Variants in CRADD observed in about 807,000 individuals in gnomAD.
The protein encoded by CRADD is death domain-containing protein CRADD.
In CRADD, 9 loss-of-function variants were observed where a neutral mutation model predicts 15.5. That is an observed-to-expected ratio of 0.58 (90% CI 0.35 to 1.01). CRADD has a LOEUF of 1.01. Among genes scored for constraint, CRADD ranks in the 50% least tolerant of loss-of-function variants. CRADD has a pLI of 0.02. For missense variants in CRADD, 227 were observed against 250.3 expected (o/e 0.91, Z 0.63); for synonymous variants, 118 against 107.6 (o/e 1.10, Z -0.60).
intron 2 of CRADD, among the ~76,000 whole-genome samples, chr12:93,881,350 C>CA (rs1307228420): frequency 7.2e-6 from 1 of 138,834 alleles, no homozygotes; most frequent in Admixed American, 8.1e-5. Context: ...TTTTACCACA[C>CA]AAAAAAAGAC....
intron 2 of CRADD, among the ~76,000 whole-genome samples, chr12:93,823,075 A>G (rs1277574077): frequency 6.6e-6 from 1 of 152,190 alleles, no homozygotes; most frequent in Admixed American, 6.5e-5. Flanking sequence ...CAGGAGGATC[A>G]CCAGGTCAGG....
At chr12:93,820,521 G>C (rs7133670) in intron 2 of CRADD, among the ~76,000 whole-genome samples, 99,976 of 150,444 alleles carry the variant, frequency 0.66, 33,379 homozygotes, top group East Asian at 0.71. Flanking sequence ...TGCACTCCAG[G>C]CTGGGCAACA....
rs1293974570 is a variant in CRADD, at chr12:93,824,907, A to G, written c.299-25063A>G. Among the ~76,000 whole-genome samples the G allele has an allele frequency of 1.3e-5, 2 of 152,194 alleles. No individual in the cohort carries two copies. Among genetic ancestry groups the G allele is most frequent in the African/African-American group, 2.4e-5 (1 of 41,436 alleles). ...CTTTGGACCACCCGTCTTTTTGCCA[A>G]TTAAATGTTTACATTATCTTTTTGC... is the stretch of plus-strand genomic sequence containing the variant. On this transcript the variant is annotated intron_variant, in intron 2 of 2. Coordinates refer to ENST00000332896, the MANE Select transcript of CRADD (RefSeq NM_003805.5). This position sits in a 1 kb window ranked among gnomAD's most constrained non-coding sequence, Gnocchi z 4.3.
intron 2 of CRADD, among the ~76,000 whole-genome samples, chr12:93,838,214 G>GTTTTTTTTTTTT (rs66564800): frequency 3.1e-5 from 4 of 130,606 alleles, no homozygotes; most frequent in Non-Finnish European, 4.8e-5. Flanking sequence ...TCCTTTTGAG[G>GTTTTTTTTTTTT]TTTTTTTTTT....
At chr12:93,818,512 C>T (rs950715600) in intron 2 of CRADD, among the ~76,000 whole-genome samples, 1 of 152,116 alleles carries the variant, frequency 6.6e-6, no homozygotes, top group African/African-American at 2.4e-5. Context: ...GGCTCCCTTC[C>T]TAGACGGGTT....
At chr12:93,703,766 GATA>G (rs1955885763) in intron 2 of CRADD, among the ~76,000 whole-genome samples, 1 of 152,016 alleles carries the variant, frequency 6.6e-6, no homozygotes, top group South Asian at 2.1e-4. Context: ...TTCCCCCAAT[GATA>G]ATATCTTACA....
intron 2 of CRADD, among the ~76,000 whole-genome samples, chr12:93,751,663 G>A (rs1229201935): frequency 6.6e-6 from 1 of 152,132 alleles, no homozygotes; most frequent in East Asian, 1.9e-4. Context: ...TCAGAAGTTC[G>A]AAACCTGCCT....
At chr12:93,886,862 T>C (rs1958541169) in intron 2 of CRADD, among the ~76,000 whole-genome samples, 1 of 152,176 alleles carries the variant, frequency 6.6e-6, no homozygotes, top group Non-Finnish European at 1.5e-5. Context: ...GACCATTTTA[T>C]GGTCATGGGC....
At chr12:93,806,249 C>A (rs1300088433) in intron 2 of CRADD, among the ~76,000 whole-genome samples, 4 of 151,696 alleles carry the variant, frequency 2.6e-5, no homozygotes, top group Non-Finnish European at 4.4e-5. Flanking sequence ...ATCAGGAGTT[C>A]GAGACCAGCC....
intron 2 of CRADD, among the ~76,000 whole-genome samples, chr12:93,717,696 T>C (rs1321823554): frequency 6.6e-6 from 1 of 152,108 alleles, no homozygotes; most frequent in Non-Finnish European, 1.5e-5. Flanking sequence ...AATTTTTGTA[T>C]TTTTAGTAGA....
At chr12:93,863,565 C>T (rs140036243) in intron 2 of CRADD, among the ~76,000 whole-genome samples, 2,669 of 148,910 alleles carry the variant, frequency 0.018, 83 homozygotes, top group African/African-American at 0.061. Context: ...CAGGCCTCTA[C>T]TATGTGGCCT....
At chr12:93,679,648 C>T (rs1033248247) in intron 2 of CRADD, among the ~76,000 whole-genome samples, 4 of 152,136 alleles carry the variant, frequency 2.6e-5, no homozygotes, top group Non-Finnish European at 5.9e-5. Flanking sequence ...AGAAATGCTT[C>T]CAGGAAACCT....
At chr12:93,872,569 A>G (rs1379594405) in intron 2 of CRADD, among the ~76,000 whole-genome samples, 2 of 152,032 alleles carry the variant, frequency 1.3e-5, no homozygotes, top group Admixed American at 6.6e-5. Context: ...ATCCATTTTT[A>G]TTTGATTTTT....
downstream of CRADD, among the ~76,000 whole-genome samples, chr12:93,853,776 C>A (rs77340582): frequency 0.028 from 4,305 of 152,242 alleles, 204 homozygotes; most frequent in African/African-American, 0.096. Flanking sequence ...CCTGTTGATC[C>A]AAATGTGATG....
At chr12:93,683,217 A>ACTCTGGTGGG (rs1565869232) in intron 2 of CRADD, among the ~76,000 whole-genome samples, 7 of 152,122 alleles carry the variant, frequency 4.6e-5, no homozygotes, top group Non-Finnish European at 1.0e-4. Context: ...GACTCAGCGT[A>ACTCTGGTGGG]AATCACGGTG....
At chr12:93,749,052 A>G (rs920377979) in intron 2 of CRADD, among the ~76,000 whole-genome samples, 1 of 152,216 alleles carries the variant, frequency 6.6e-6, no homozygotes. Flanking sequence ...TCTGCCAGGC[A>G]CTATTCTGGG....
intron 2 of CRADD, among the ~76,000 whole-genome samples, chr12:93,840,211 G>A (rs1483869712): frequency 2.0e-5 from 3 of 152,192 alleles, no homozygotes; most frequent in African/African-American, 7.2e-5. Context: ...GCACAACAGG[G>A]ACTCTCCTTT....
At chr12:93,798,706 A>G (rs918887182) in intron 2 of CRADD, among the ~76,000 whole-genome samples, 6 of 152,170 alleles carry the variant, frequency 3.9e-5, no homozygotes, top group Non-Finnish European at 5.9e-5. Context: ...CACAGCTGTT[A>G]CTATTACTGT....
At chr12:93,694,373 G>T (rs925718182) in intron 2 of CRADD, among the ~76,000 whole-genome samples, 11 of 152,130 alleles carry the variant, frequency 7.2e-5, no homozygotes. Context: ...ATACTCAACA[G>T]TGGAAAACTG....
Sources: gnomAD v4.1 joint callset for allele counts (sites outside exome capture counted in the v4.1 genomes callset) on GRCh38, gnomAD v4.1.1 for gene constraint, Gnocchi (gnomAD v3.1) non-coding constraint, MANE v1.5 for transcripts, NCBI Gene and HGNC (gene_info 2026-07-23, HGNC 2026-07-21) for gene names.